The following HECW1 variants were observed in gnomAD, a reference collection of about 807,000 sequenced individuals.
HECW1 encodes the protein E3 ubiquitin-protein ligase HECW1.
A neutral mutation model predicts 182.3 loss-of-function variants in HECW1; 61 were observed. The observed-to-expected ratio is 0.33, with a 90% CI of 0.27 to 0.41. The LOEUF (loss-of-function observed/expected upper bound fraction) is 0.41, where lower values mean the gene tolerates loss of function less well. Ranked by LOEUF, HECW1 falls within the 10% of genes least tolerant of loss-of-function variation. The probability of loss-of-function intolerance (pLI) is 1.00; values close to 1 mark genes in which losing one functional copy is unlikely to be tolerated. For synonymous variants in HECW1, 859 were observed against 832.6 expected (o/e 1.03, Z -0.55); for missense variants, 1,739 against 2,108.9 (o/e 0.82, Z 3.44).
chr7:43,282,387 G>C (rs1370828889), intron 3 of HECW1, among the ~76,000 whole-genome samples: 2 of 152,226 alleles, frequency 1.3e-5, no homozygotes, highest in Non-Finnish European at 1.5e-5. Context: ...CGGATGACAG[G>C]AGCTGGCGAC....
intron 2 of HECW1, among the ~76,000 whole-genome samples, chr7:43,123,230 C>A (rs1785824323): frequency 6.6e-6 from 1 of 152,212 alleles, no homozygotes; most frequent in African/African-American, 2.4e-5. Flanking sequence ...AGAGTGAGCT[C>A]CTCAATTTTA....
At chr7:43,147,963 T>A (rs1189684981) in intron 2 of HECW1, among the ~76,000 whole-genome samples, 1 of 152,242 alleles carries the variant, frequency 6.6e-6, no homozygotes, top group Non-Finnish European at 1.5e-5. Context: ...TTAGTGATAG[T>A]GGGCAATTTG....
rs958691518 is a variant in HECW1, at chr7:43,257,575, C to A, written c.27+13643C>A. Reference sequence around the variant, plus strand: ...TGGAGAGGAGGTGAAAAACCAAAACCAAGCACCATCCTCTAGACCAAGCAG... The same window carrying A: ...TGGAGAGGAGGTGAAAAACCAAAACAAAGCACCATCCTCTAGACCAAGCAG... On this transcript the variant is annotated intron_variant, in intron 3 of 29. Transcript: ENST00000395891. Among the ~76,000 whole-genome samples, 17 of 152,022 alleles carry A rather than the reference C, an allele frequency of 1.1e-4. 1 individual carries two copies. Among genetic ancestry groups the A allele is most frequent in the African/African-American group, 3.6e-4 (15 of 41,392 alleles).
chr7:43,319,596 CTTTTCTTTTTT>C (rs1048321887), intron 4 of HECW1, among the ~76,000 whole-genome samples: 2 of 67,078 alleles, frequency 3.0e-5, no homozygotes, highest in African/African-American at 2.1e-4. Flanking sequence ...CCTTTCTTTT[CTTTTCTTTTTT>C]TTTTTTTTTT....
At chr7:43,211,626 T>C (rs778501503) in intron 2 of HECW1, among the ~76,000 whole-genome samples, 1 of 152,178 alleles carries the variant, frequency 6.6e-6, no homozygotes, top group Non-Finnish European at 1.5e-5. Flanking sequence ...TTTTCTAAAA[T>C]TGACCTGCTA....
chr7:43,531,858 T>C lies in HECW1; in HGVS notation c.4020-9305T>C, dbSNP rs2152947801. On this transcript the variant is annotated intron_variant, in intron 24 of 29. Transcript: ENST00000395891. ...ATCTTCCAGATCCCCGAATGCTGCATCAATTAACATTCAGCCCTGGGTCCG... is the reference window on the plus strand; with the variant it reads ...ATCTTCCAGATCCCCGAATGCTGCACCAATTAACATTCAGCCCTGGGTCCG... 2.0e-5 allele frequency among the ~76,000 whole-genome samples: 3 copies of C among 152,328 alleles called. No homozygotes were observed. The Middle Eastern group carries it at 0.01, about 518-fold the overall frequency.
intron 24 of HECW1, among the ~76,000 whole-genome samples, chr7:43,520,083 T>C (rs1437309643): frequency 2.0e-5 from 3 of 152,202 alleles, no homozygotes; most frequent in African/African-American, 7.2e-5. Flanking sequence ...TTAGCTTAAT[T>C]ATTAGTGGTA....
intron 6 of HECW1, 85 bp downstream of exon 6, chr7:43,361,065 TGTGTGTG>T: frequency 2.0e-6 from 1 of 489,832 alleles, no homozygotes; most frequent in Non-Finnish European, 3.5e-6. Context: ...TGCGTGTGTG[TGTGTGTG>T]TGTGTGTGTG....
chr7:43,298,561 T>A (rs2152761033), intron 3 of HECW1, among the ~76,000 whole-genome samples: 1 of 152,356 alleles, frequency 6.6e-6, no homozygotes, highest in South Asian at 2.1e-4. Context: ...CAATGAGACC[T>A]GTCCTTTGCA....
At chr7:43,446,821 G>A (rs1442066933) in intron 11 of HECW1, among the ~76,000 whole-genome samples, 1 of 152,222 alleles carries the variant, frequency 6.6e-6, no homozygotes, top group Non-Finnish European at 1.5e-5. Flanking sequence ...CCCACAAGGA[G>A]CGGGATGGAA....
At chr7:43,207,286 C>A (rs1207272627) in intron 2 of HECW1, among the ~76,000 whole-genome samples, 1 of 152,098 alleles carries the variant, frequency 6.6e-6, no homozygotes, top group East Asian at 1.9e-4. Context: ...ACCTCAAGTG[C>A]TCTGCCCACC....
intron 8 of HECW1, among the ~76,000 whole-genome samples, chr7:43,433,745 T>G (rs2076622364): frequency 6.6e-6 from 1 of 152,238 alleles, no homozygotes; most frequent in African/African-American, 2.4e-5. Flanking sequence ...CCTATGGAAC[T>G]TTCTTTTCTG....
rs2079314109 is a variant in HECW1, at chr7:43,500,708, C to A, written c.3447C>A (p.Ile1149=). 1 of 1,613,266 alleles carries A rather than the reference C, an allele frequency of 6.2e-7. No individual in the cohort carries two copies. The highest frequency in any genetic ancestry group is 1.7e-5 in the Admixed American group (1 of 59,994). ...LARNHTLREK[I]HYIRTEGNHG... ...TTCTCACATGATTCAGGGAGAAAAT[C>A]CATTACATTCGGACTGAGGGTAATC... Residue 1149 remains isoleucine, a synonymous_variant, in exon 20 of 30, where the codon ATC becomes ATA. Transcript: ENST00000395891.
At position 43,345,540 on chromosome 7, in the gene HECW1, A is replaced by G. The variant is rs189783933; in HGVS notation, c.461-15346A>G. ...ATTTTGATGTACCCATCACCCATGT[A>G]TACACCACAACATACCTGTAGTCTT... On this transcript the variant is annotated intron_variant, in intron 5 of 29. Coordinates refer to ENST00000395891, the MANE Select transcript of HECW1 (RefSeq NM_015052.5). Among the ~76,000 whole-genome samples the G allele has an allele frequency of 8.5e-5, 13 of 152,146 alleles. No homozygotes were observed. The East Asian group carries it at 2.5e-3, about 29-fold the overall frequency.
At chr7:43,305,589 T>C (rs1373053613) in intron 3 of HECW1, among the ~76,000 whole-genome samples, 3 of 147,348 alleles carry the variant, frequency 2.0e-5, no homozygotes, top group African/African-American at 7.9e-5. Context: ...TAGTGTTTTG[T>C]TGTTGTTGTT....
At chr7:43,541,504 G>A (rs540051493) in intron 25 of HECW1, among the ~76,000 whole-genome samples, 103 of 152,320 alleles carry the variant, frequency 6.8e-4, no homozygotes, top group Non-Finnish European at 1.2e-3. Flanking sequence ...ATATCATGGA[G>A]ATGAATCATT....
At chr7:43,305,901 C>T (rs1807501223) in intron 3 of HECW1, among the ~76,000 whole-genome samples, 1 of 152,108 alleles carries the variant, frequency 6.6e-6, no homozygotes, top group Admixed American at 6.5e-5. Context: ...GCTGGGATTA[C>T]AGGCATGTGC....
intron 8 of HECW1, among the ~76,000 whole-genome samples, chr7:43,436,466 T>G (rs1377123212): frequency 5.9e-5 from 9 of 151,606 alleles, no homozygotes. Context: ...GAAAAGGGAG[T>G]CAGCGAAGGG....
chr7:43,523,056 T>C (rs1407896982), intron 24 of HECW1: 2 of 445,922 alleles, frequency 4.5e-6, no homozygotes, highest in Admixed American at 4.8e-5. Context: ...CAGGCTAGAG[T>C]GCAATGGTGC....
Sources: gnomAD v4.1 joint callset for allele counts (sites outside exome capture counted in the v4.1 genomes callset) on GRCh38, gnomAD v4.1.1 for gene constraint, MANE v1.5 for transcripts, NCBI Gene and HGNC (gene_info 2026-07-23, HGNC 2026-07-21) for gene names.